GPC5: variants seen among roughly 807,000 people sequenced by gnomAD.
The protein encoded by GPC5 is glypican 5.
Under a neutral mutation model 53.9 loss-of-function variants are expected in GPC5, and 47 were observed. The observed-to-expected ratio is 0.87, with a 90% CI of 0.69 to 1.11. The LOEUF (loss-of-function observed/expected upper bound fraction) is 1.11. Among genes scored for constraint, GPC5 ranks in the 50% most tolerant of loss-of-function variants. The pLI is 0.00. For missense variants in GPC5, 748 were observed against 713.1 expected, an observed-to-expected ratio of 1.05 and a Z score of -0.56; for synonymous variants, 286 against 263.3, an observed-to-expected ratio of 1.09 and a Z score of -0.84.
At chr13:92,631,619 A>G (rs1005744466) in intron 7 of GPC5, among the ~76,000 whole-genome samples, 1 of 152,178 alleles carries the variant, frequency 6.6e-6, no homozygotes, top group Non-Finnish European at 1.5e-5. Flanking sequence ...AGTGTTTTCC[A>G]TTGCCAAAAA....
intron 6 of GPC5, among the ~76,000 whole-genome samples, chr13:92,060,692 G>A (rs1020102477): frequency 9.2e-5 from 14 of 151,982 alleles, no homozygotes; most frequent in Non-Finnish European, 7.4e-5. Flanking sequence ...GTGAATGAAC[G>A]GAAGTCATTC....
intron 7 of GPC5, among the ~76,000 whole-genome samples, chr13:92,756,886 C>T (rs776254850): frequency 1.8e-4 from 27 of 149,900 alleles, no homozygotes; most frequent in Admixed American, 2.0e-4. Flanking sequence ...GAATCAATAT[C>T]GTGAAAATGG....
intron 2 of GPC5, among the ~76,000 whole-genome samples, chr13:91,613,127 A>C (rs1211060311): frequency 6.6e-6 from 1 of 152,212 alleles, no homozygotes. Flanking sequence ...TAGAAGTCTA[A>C]GGCAAATACA....
Position 92,854,342 on chromosome 13 carries a change from G to A in GPC5, c.1562-11940G>A, listed in dbSNP as rs1274372207. Among the ~76,000 whole-genome samples the A allele has an allele frequency of 1.0e-4, 15 of 147,598 alleles. No individual in the cohort carries two copies. In the East Asian group the frequency reaches 2.9e-3, roughly 29 times the overall value. ...TATAGATTACCCCAACTGTAGTGAT[G>A]TTATCTATGAATATATATATATTAG... is the stretch of plus-strand genomic sequence containing the variant. On this transcript the variant is annotated intron_variant, in intron 7 of 7. Transcript: ENST00000377067.
At chr13:92,047,218 A>G (rs926109439) in intron 6 of GPC5, among the ~76,000 whole-genome samples, 3 of 152,156 alleles carry the variant, frequency 2.0e-5, no homozygotes, top group Non-Finnish European at 2.9e-5. Flanking sequence ...GATGGTTTAG[A>G]TCATCCCTGA....
intron 7 of GPC5, among the ~76,000 whole-genome samples, chr13:92,606,135 C>T (rs1381783048): frequency 5.9e-5 from 9 of 151,958 alleles, no homozygotes; most frequent in African/African-American, 1.9e-4. Flanking sequence ...ATGTACACAA[C>T]GTGCAGGTTT....
intron 5 of GPC5, among the ~76,000 whole-genome samples, chr13:91,812,044 T>G (rs948200328): frequency 6.6e-6 from 1 of 152,010 alleles, no homozygotes; most frequent in Non-Finnish European, 1.5e-5. Flanking sequence ...AAGTGGCGGG[T>G]AGTACCTGAA....
At chr13:92,669,430 T>C (rs1427877580) in intron 7 of GPC5, among the ~76,000 whole-genome samples, 1 of 152,124 alleles carries the variant, frequency 6.6e-6, no homozygotes, top group Non-Finnish European at 1.5e-5. Context: ...CTTTCACAAA[T>C]ATGTGACAAG....
chr13:92,589,464 G>T (rs1453954044), intron 7 of GPC5, among the ~76,000 whole-genome samples: 1 of 152,122 alleles, frequency 6.6e-6, no homozygotes, highest in Admixed American at 6.5e-5. Context: ...ATTGGATCCT[G>T]CCCCATTATG....
intron 7 of GPC5, among the ~76,000 whole-genome samples, chr13:92,595,494 C>A (rs747723084): frequency 1.3e-5 from 2 of 152,100 alleles, no homozygotes; most frequent in African/African-American, 2.4e-5. Context: ...TACGGCCGGG[C>A]GCGGTGGCTC....
At chr13:91,957,269 CAG>C (rs1195670136) in intron 6 of GPC5, among the ~76,000 whole-genome samples, 1 of 152,020 alleles carries the variant, frequency 6.6e-6, no homozygotes, top group Admixed American at 6.6e-5. Flanking sequence ...TGAAATAACT[CAG>C]AAAAAGATTT....
chr13:91,992,521 G>A (rs551261257), intron 6 of GPC5, among the ~76,000 whole-genome samples: 11 of 150,326 alleles, frequency 7.3e-5, no homozygotes, highest in Non-Finnish European at 1.2e-4. Context: ...GCAGTGGCGC[G>A]ATCTTGGCTC....
At chr13:92,120,388 G>T (rs1215774902) in intron 6 of GPC5, among the ~76,000 whole-genome samples, 3 of 152,116 alleles carry the variant, frequency 2.0e-5, no homozygotes, top group Non-Finnish European at 1.5e-5. Flanking sequence ...CTCCTGGGTA[G>T]CTGGGACTAC....
At chr13:91,516,023 C>T (rs570358838) in intron 2 of GPC5, among the ~76,000 whole-genome samples, 7 of 152,152 alleles carry the variant, frequency 4.6e-5, no homozygotes, top group East Asian at 1.9e-4. Context: ...GAAAGACTGG[C>T]CCCCCATGAT....
intron 4 of GPC5, among the ~76,000 whole-genome samples, chr13:91,742,851 G>T (rs2036965542): frequency 6.6e-6 from 1 of 151,982 alleles, no homozygotes. Context: ...CCTTAGGTTA[G>T]TGTGTGTGGA....
chr13:91,852,494 T>G (rs1369193362), intron 5 of GPC5, among the ~76,000 whole-genome samples: 1 of 152,074 alleles, frequency 6.6e-6, no homozygotes, highest in Non-Finnish European at 1.5e-5. Context: ...TGTTTTTTTT[T>G]TCTCTTCTTA....
chr13:92,516,156 A>G (rs1256505841), intron 7 of GPC5, among the ~76,000 whole-genome samples: 3 of 152,038 alleles, frequency 2.0e-5, no homozygotes, highest in African/African-American at 4.8e-5. Context: ...AGGTACAGCT[A>G]ATTTTTTTTC....
intron 2 of GPC5, among the ~76,000 whole-genome samples, chr13:91,564,576 G>A (rs911165918): frequency 5.3e-5 from 8 of 152,142 alleles, no homozygotes; most frequent in Non-Finnish European, 8.8e-5. Context: ...TATTTGCAAA[G>A]CAATCTCATG....
intron 7 of GPC5, among the ~76,000 whole-genome samples, chr13:92,270,658 T>C (rs185405564): frequency 6.6e-6 from 1 of 152,294 alleles, no homozygotes; most frequent in East Asian, 1.9e-4. Context: ...CCTCATTAGG[T>C]AGTAACAAAT....
Sources: allele counts gnomAD v4.1 joint callset (sites outside exome capture counted in the v4.1 genomes callset), GRCh38; gene constraint gnomAD v4.1.1; transcripts MANE v1.5; gene names NCBI Gene and HGNC (gene_info 2026-07-23, HGNC 2026-07-21).